Variants in C1QTNF7 observed in about 807,000 individuals in gnomAD.
The protein encoded by C1QTNF7 is complement C1q tumor necrosis factor-related protein 7.
In C1QTNF7, 15 loss-of-function variants were observed where a neutral mutation model predicts 19.6. The observed-to-expected ratio is 0.76, with a 90% confidence interval of 0.51 to 1.18. The LOEUF (loss-of-function observed/expected upper bound fraction) is 1.18. C1QTNF7 is among the 50% of genes most tolerant of loss of function. C1QTNF7 has a pLI of 0.00. For missense variants in C1QTNF7, 324 were observed against 359.7 expected (o/e 0.90, Z 0.80); for synonymous variants, 142 against 137.5 (o/e 1.03, Z -0.23).
At chr4:15,389,583 C>A (rs1718477190) in intron 1 of C1QTNF7, among the ~76,000 whole-genome samples, 1 of 152,108 alleles carries the variant, frequency 6.6e-6, no homozygotes, top group African/African-American at 2.4e-5. Flanking sequence ...CCACACCCGG[C>A]TAATTTTGTA....
intron 1 of C1QTNF7, among the ~76,000 whole-genome samples, chr4:15,368,974 T>C (rs1560344675): frequency 6.6e-6 from 1 of 152,218 alleles, no homozygotes; most frequent in Non-Finnish European, 1.5e-5. Flanking sequence ...GTTGTTACAC[T>C]GTCTTGGAGA....
chr4:15,365,402 A>G (rs1052697407), intron 1 of C1QTNF7, among the ~76,000 whole-genome samples: 9 of 152,194 alleles, frequency 5.9e-5, no homozygotes, highest in Admixed American at 4.6e-4. Context: ...AGAGATAATA[A>G]TATCTAAAAT....
At chr4:15,367,276 G>C (rs1005668929) in intron 1 of C1QTNF7, among the ~76,000 whole-genome samples, 1 of 152,148 alleles carries the variant, frequency 6.6e-6, no homozygotes, top group Non-Finnish European at 1.5e-5. Context: ...GAATTTTCTT[G>C]CCTTTATTAG....
At chr4:15,345,180 G>T (rs1333278635) in intron 1 of C1QTNF7, among the ~76,000 whole-genome samples, 1 of 152,140 alleles carries the variant, frequency 6.6e-6, no homozygotes, top group Non-Finnish European at 1.5e-5. Flanking sequence ...ACATTATTTA[G>T]GCTCCTACCT....
intron 1 of C1QTNF7, among the ~76,000 whole-genome samples, chr4:15,391,158 T>C (rs1577252686): frequency 6.6e-6 from 1 of 151,982 alleles, no homozygotes; most frequent in East Asian, 2.0e-4. Flanking sequence ...CTCTCAGTTC[T>C]GCTTGTCTCT....
intron 1 of C1QTNF7, among the ~76,000 whole-genome samples, chr4:15,384,416 T>A (rs1483386051): frequency 1.3e-5 from 2 of 152,298 alleles, no homozygotes; most frequent in East Asian, 1.9e-4. Context: ...CTTTTTTTTT[T>A]ATTTTAAACC....
At chr4:15,402,089 T>C (rs1719015749) in intron 1 of C1QTNF7, among the ~76,000 whole-genome samples, 2 of 152,164 alleles carry the variant, frequency 1.3e-5, no homozygotes, top group Admixed American at 6.6e-5. Context: ...AACATCAAGA[T>C]ATGGACTGTG....
intron 1 of C1QTNF7, among the ~76,000 whole-genome samples, chr4:15,351,669 C>T (rs528244382): frequency 6.6e-6 from 1 of 152,180 alleles, no homozygotes; most frequent in East Asian, 1.9e-4. Flanking sequence ...TTTAAAGCTC[C>T]TCAGGTGATT....
chr4:15,407,482 C>T (rs1208548991), intron 1 of C1QTNF7, among the ~76,000 whole-genome samples: 1 of 152,160 alleles, frequency 6.6e-6, no homozygotes, highest in Non-Finnish European at 1.5e-5. Flanking sequence ...TAGCCGCAAG[C>T]CTAATCAAGT....
chr4:15,415,599 T>G (rs1359303432), intron 1 of C1QTNF7, among the ~76,000 whole-genome samples: 3 of 147,314 alleles, frequency 2.0e-5, no homozygotes, highest in African/African-American at 7.4e-5. Context: ...GTATTGGGCC[T>G]TCTCTTTTTT....
chr4:15,353,808 G>C (rs1453415986), intron 1 of C1QTNF7, among the ~76,000 whole-genome samples: 1 of 151,946 alleles, frequency 6.6e-6, no homozygotes, highest in Admixed American at 6.6e-5. Context: ...AAGCATGTAG[G>C]GCAAGATATG....
At chr4:15,416,868 T>C (rs936205294) in intron 1 of C1QTNF7, among the ~76,000 whole-genome samples, 4 of 152,198 alleles carry the variant, frequency 2.6e-5, no homozygotes, top group African/African-American at 9.6e-5. Context: ...GAGGCTTCAG[T>C]TGAAAGAAAA....
rs1399138653 is a variant in C1QTNF7, at chr4:15,360,618, C to T, written c.13+20411C>T. 2.0e-5 allele frequency among the ~76,000 whole-genome samples: 3 copies of T among 152,028 alleles called. No individual in the cohort carries two copies. In the East Asian group the frequency reaches 5.8e-4, roughly 29 times the overall value. On this transcript the variant is annotated intron_variant, in intron 1 of 2. Transcript: ENST00000295297. ...ATAGCAAAATCACCAACAAAAAGTA[C>T]AAAAATGCAAGAAACAGCACTAAAT...
intron 1 of C1QTNF7, among the ~76,000 whole-genome samples, chr4:15,433,442 C>G (rs535889394): frequency 5.9e-5 from 9 of 152,054 alleles, no homozygotes; most frequent in South Asian, 2.1e-4. Context: ...TACTTGAACA[C>G]GTTCCCTCCC....
At chr4:15,415,620 C>CATATATATATATAT (rs35377968) in intron 1 of C1QTNF7, among the ~76,000 whole-genome samples, 6 of 146,862 alleles carry the variant, frequency 4.1e-5, no homozygotes, top group Admixed American at 1.4e-4. Context: ...TTATTTGATG[C>CATATATATATATAT]ATATATATAT....
chr4:15,421,484 TTC>T (rs1219902172), intron 1 of C1QTNF7, among the ~76,000 whole-genome samples: 4 of 152,136 alleles, frequency 2.6e-5, no homozygotes, highest in Admixed American at 6.5e-5. Flanking sequence ...GTCAGCACTG[TTC>T]ACCCACTTCA....
rs890505562 is a variant in C1QTNF7 at position 15,435,799 on chromosome 4, G to A, written c.56G>A (p.Arg19Gln). The A allele has an allele frequency of 2.5e-5, 40 of 1,614,096 alleles. No homozygotes were observed. Among genetic ancestry groups the A allele is most frequent in the East Asian group, 8.9e-5 (4 of 44,878 alleles). ...SFAICASGQP[R>Q]GNQLKGENYS... Reference sequence around the variant, plus strand: ...GCCATTTGTGCCAGTGGACAACCCCGGGGTAATCAGTTGAAAGGAGAGAAC... The same window carrying A: ...GCCATTTGTGCCAGTGGACAACCCCAGGGTAATCAGTTGAAAGGAGAGAAC... Residue 19 changes from arginine (R) to glutamine (Q), a missense_variant, in exon 2 of 3, where the codon CGG becomes CAG. Coordinates refer to ENST00000444304, the MANE Select transcript of C1QTNF7 (RefSeq NM_031911.5).
intron 1 of C1QTNF7, among the ~76,000 whole-genome samples, chr4:15,376,860 C>T (rs1445527717): frequency 6.6e-6 from 1 of 152,172 alleles, no homozygotes; most frequent in Non-Finnish European, 1.5e-5. Context: ...GTGACTCATC[C>T]AAAGTCACAT....
chr4:15,403,575 C>G (rs1719072462), intron 1 of C1QTNF7, among the ~76,000 whole-genome samples: 1 of 152,142 alleles, frequency 6.6e-6, no homozygotes, highest in African/African-American at 2.4e-5. Context: ...TGTCTCTTTT[C>G]CCCTTCTTTT....
Sources: allele counts gnomAD v4.1 joint callset (sites outside exome capture counted in the v4.1 genomes callset), GRCh38; gene constraint gnomAD v4.1.1; transcripts MANE v1.5; gene names NCBI Gene and HGNC (gene_info 2026-07-23, HGNC 2026-07-21).